The following PITPNC1 variants were observed in gnomAD, a reference collection of about 807,000 sequenced individuals.
PITPNC1 encodes the protein phosphatidylinositol transfer protein cytoplasmic 1, also known as cytoplasmic phosphatidylinositol transfer protein 1.
In PITPNC1, 18 loss-of-function variants were observed where a neutral mutation model predicts 44.7. The observed-to-expected ratio is 0.40, with a 90% CI of 0.28 to 0.60. The LOEUF (loss-of-function observed/expected upper bound fraction) is 0.60. Among genes scored for constraint, PITPNC1 ranks in the 20% least tolerant of loss-of-function variants. PITPNC1 has a pLI of 0.39. For synonymous variants in PITPNC1, 141 were observed against 149.6 expected (o/e 0.94, Z 0.42); for missense variants, 290 against 418.4 (o/e 0.69, Z 2.68).
chr17:67,629,672 T>C (rs933756358), intron 5 of PITPNC1, among the ~76,000 whole-genome samples: 6 of 152,212 alleles, frequency 3.9e-5, no homozygotes, highest in African/African-American at 1.4e-4. Context: ...GGGGACTGGC[T>C]CTCGCAAACA....
At chr17:67,681,679 T>G (rs887719980) in intron 8 of PITPNC1, among the ~76,000 whole-genome samples, 1 of 140,750 alleles carries the variant, frequency 7.1e-6, no homozygotes. Flanking sequence ...AAGTAAATCA[T>G]AGAAGAAGAA....
intron 5 of PITPNC1, among the ~76,000 whole-genome samples, chr17:67,585,125 A>AG (rs1020324785): frequency 2.6e-5 from 4 of 151,172 alleles, no homozygotes; most frequent in African/African-American, 9.7e-5. Context: ...TCAGAAAAAA[A>AG]AAAAAAAAAA....
intron 6 of PITPNC1, chr17:67,637,892 G>A (rs538531574): frequency 1.3e-5 from 2 of 152,128 alleles, no homozygotes; most frequent in East Asian, 1.9e-4. Flanking sequence ...AGGAATTAGT[G>A]TGATTTTTTT....
chr17:67,506,019 C>A (rs1253266879), intron 1 of PITPNC1, among the ~76,000 whole-genome samples: 1 of 152,164 alleles, frequency 6.6e-6, no homozygotes, highest in Non-Finnish European at 1.5e-5. Flanking sequence ...TGTTACTCCA[C>A]CCTTTCCTGC....
intron 6 of PITPNC1, among the ~76,000 whole-genome samples, chr17:67,658,559 C>G (rs1054803995): frequency 9.2e-5 from 14 of 152,162 alleles, no homozygotes; most frequent in African/African-American, 3.4e-4. Flanking sequence ...ATACTCCACT[C>G]ACTCTCTGGT....
At chr17:67,562,567 TCTC>T (rs2040919841) in intron 4 of PITPNC1, among the ~76,000 whole-genome samples, 2 of 152,166 alleles carry the variant, frequency 1.3e-5, no homozygotes, top group South Asian at 4.1e-4. Flanking sequence ...GAGTTCTTCT[TCTC>T]ACTTTTGTGG....
chr17:67,434,380 A>C (rs1319736492), intron 1 of PITPNC1, among the ~76,000 whole-genome samples: 2 of 152,192 alleles, frequency 1.3e-5, no homozygotes, highest in Non-Finnish European at 2.9e-5. Flanking sequence ...ACTGAGCAGC[A>C]AGAGGAAGCC....
chr17:67,572,245 C>A (rs1288788098), intron 4 of PITPNC1, among the ~76,000 whole-genome samples: 1 of 152,082 alleles, frequency 6.6e-6, no homozygotes, highest in East Asian at 1.9e-4. Flanking sequence ...GATATAGAAT[C>A]CCTCCACCCA....
intron 4 of PITPNC1, among the ~76,000 whole-genome samples, chr17:67,576,738 G>A (rs927588960): frequency 6.6e-6 from 1 of 152,192 alleles, no homozygotes; most frequent in African/African-American, 2.4e-5. Context: ...TGTAGGGCTG[G>A]GTTGCATTTG....
At chr17:67,522,855 A>T (rs756522839) in intron 1 of PITPNC1, among the ~76,000 whole-genome samples, 1 of 151,634 alleles carries the variant, frequency 6.6e-6, no homozygotes, top group Non-Finnish European at 1.5e-5. Flanking sequence ...TTTTTTGTAG[A>T]GACACCATCT....
At chr17:67,530,643 A>G (rs2040449295) in intron 1 of PITPNC1, among the ~76,000 whole-genome samples, 1 of 152,168 alleles carries the variant, frequency 6.6e-6, no homozygotes, top group African/African-American at 2.4e-5. Flanking sequence ...CTTTAACAAC[A>G]TTAGGCAGTA....
In PITPNC1 at chr17:67,604,553, C is replaced by T. The variant is rs192095594; in HGVS notation, c.366+26296C>T. 1.1e-4 allele frequency among the ~76,000 whole-genome samples: 17 copies of T among 152,324 alleles called. No homozygotes were observed. In the East Asian group the frequency reaches 1.3e-3, roughly 12 times the overall value. On this transcript the variant is annotated intron_variant, in intron 5 of 8. Transcript: ENST00000581322. ...ATCCCAACACTTTGGGAGGCCCAGG[C>T]GGGTGGATAGCTTGAGGTCAGGAGT...
intron 2 of PITPNC1, among the ~76,000 whole-genome samples, chr17:67,539,640 C>T (rs1479585655): frequency 6.6e-6 from 1 of 152,154 alleles, no homozygotes; most frequent in Non-Finnish European, 1.5e-5. Context: ...AGATCGAGAC[C>T]ATCCTGGCTA....
At chr17:67,516,123 C>T (rs2040255184) in intron 1 of PITPNC1, among the ~76,000 whole-genome samples, 1 of 152,164 alleles carries the variant, frequency 6.6e-6, no homozygotes, top group Admixed American at 6.5e-5. Context: ...CTCCTTGGCT[C>T]TGCTCTCTCA....
At chr17:67,515,336 C>T (rs1177629295) in intron 1 of PITPNC1, among the ~76,000 whole-genome samples, 2 of 152,162 alleles carry the variant, frequency 1.3e-5, no homozygotes, top group African/African-American at 2.4e-5. Flanking sequence ...TGTGCTGATT[C>T]GTTTCTGGAG....
At chr17:67,516,829 A>C (rs2040265347) in intron 1 of PITPNC1, among the ~76,000 whole-genome samples, 1 of 152,118 alleles carries the variant, frequency 6.6e-6, no homozygotes, top group Admixed American at 6.6e-5. Context: ...CATGTTGGCC[A>C]GGCTGGTCTC....
intron 1 of PITPNC1, among the ~76,000 whole-genome samples, chr17:67,418,337 A>G (rs939646726): frequency 6.6e-6 from 1 of 152,232 alleles, no homozygotes; most frequent in African/African-American, 2.4e-5. Flanking sequence ...TTTAAATGGA[A>G]TATTCTAACT....
At chr17:67,531,287 C>T (rs763885052) in intron 1 of PITPNC1, among the ~76,000 whole-genome samples, 2 of 152,164 alleles carry the variant, frequency 1.3e-5, no homozygotes, top group Admixed American at 6.5e-5. Flanking sequence ...TTTTATTTTT[C>T]CTTTTCCTGG....
At chr17:67,572,102 C>CT (rs1734295587) in intron 4 of PITPNC1, among the ~76,000 whole-genome samples, 1 of 152,120 alleles carries the variant, frequency 6.6e-6, no homozygotes, top group Non-Finnish European at 1.5e-5. Context: ...TTCAGCAGCC[C>CT]TTAGACATCT....
Sources: gnomAD v4.1 joint callset for allele counts (sites outside exome capture counted in the v4.1 genomes callset) on GRCh38, gnomAD v4.1.1 for gene constraint, MANE v1.5 for transcripts, NCBI Gene and HGNC (gene_info 2026-07-23, HGNC 2026-07-21) for gene names.